Variants in PIP5K1B observed in about 807,000 individuals in gnomAD.
PIP5K1B encodes phosphatidylinositol-4-phosphate 5-kinase type 1 beta.
Under a neutral mutation model 67.0 loss-of-function variants are expected in PIP5K1B, and 42 were observed. That is an observed-to-expected ratio of 0.63 (90% CI 0.49 to 0.81). The LOEUF (loss-of-function observed/expected upper bound fraction) is 0.81, where lower values mean the gene tolerates loss of function less well. PIP5K1B is among the 30% of genes least tolerant of loss of function. The pLI is 0.00. For missense variants in PIP5K1B, 459 were observed against 646.3 expected (o/e 0.71, Z 3.14); for synonymous variants, 214 against 231.4 (o/e 0.92, Z 0.68).
chr9:68,757,494 T>G (rs994133716), intron 2 of PIP5K1B, among the ~76,000 whole-genome samples: 16 of 151,848 alleles, frequency 1.1e-4, no homozygotes, highest in Non-Finnish European at 2.2e-4. Flanking sequence ...GAAAAGGCCT[T>G]GAAAAATGTG....
chr9:68,914,208 G>A (rs530222955), intron 8 of PIP5K1B, among the ~76,000 whole-genome samples: 59 of 152,028 alleles, frequency 3.9e-4, no homozygotes, highest in Non-Finnish European at 5.7e-4. Context: ...TTTTTAACAA[G>A]CAGAATTCAT....
At chr9:68,753,455 G>A (rs537832190) in intron 2 of PIP5K1B, among the ~76,000 whole-genome samples, 112 of 137,642 alleles carry the variant, frequency 8.1e-4, no homozygotes, top group Non-Finnish European at 1.4e-3. Flanking sequence ...TTCTCCTGCC[G>A]CAGCCTCCCT....
rs754458316 is a variant in PIP5K1B at position 68,822,642 on chromosome 9, G to A, written c.28G>A (p.Ala10Thr). The A allele has an allele frequency of 4.3e-6, 7 of 1,613,346 alleles. No individual in the cohort carries two copies. In the East Asian group the frequency reaches 8.9e-5, roughly 21 times the overall value. The part of the protein sequence containing the change: MSSAAENGE[A>T]APGKQNEEKT... ...GTCTTCTGCTGCTGAAAATGGAGAG[G>A]CAGCACCTGGAAAACAAAATGAAGA... Residue 10 changes from alanine to threonine, a missense_variant, in exon 4 of 16, where the codon GCA (alanine) becomes ACA (threonine). Ala to Thr is a moderately conservative substitution (Grantham distance 58). This residue lies in a region of PIP5K1B where 290 missense variants were observed against 474.4 expected (regional missense o/e 0.61). Transcript: ENST00000265382.
chr9:68,967,166 T>G (rs570403466), intron 14 of PIP5K1B, among the ~76,000 whole-genome samples: 5 of 152,328 alleles, frequency 3.3e-5, no homozygotes, highest in African/African-American at 1.2e-4. Flanking sequence ...TTTCAACCTA[T>G]GAATGAATCA....
chr9:68,961,582 G>T (rs1436410031), intron 14 of PIP5K1B, among the ~76,000 whole-genome samples: 1 of 152,158 alleles, frequency 6.6e-6, no homozygotes, highest in Admixed American at 6.5e-5. Context: ...GTGTAGTTGG[G>T]GAAACCTGGT....
At chr9:68,919,410 G>T (rs1826255988) in intron 9 of PIP5K1B, 69 bp from the exon 10 acceptor site, 21 of 729,578 alleles carry the variant, frequency 2.9e-5, no homozygotes, top group Non-Finnish European at 2.9e-5. Context: ...CTATTTATTA[G>T]AAATGATTTT....
At chr9:68,810,345 A>G (rs917116676) in intron 2 of PIP5K1B, among the ~76,000 whole-genome samples, 6 of 152,252 alleles carry the variant, frequency 3.9e-5, no homozygotes, top group South Asian at 2.1e-4. Context: ...AGTTAGCGCA[A>G]TTCATAATCG....
chr9:68,935,824 C>T (rs1056725129), intron 13 of PIP5K1B: 3 of 152,132 alleles, frequency 2.0e-5, no homozygotes, highest in African/African-American at 7.2e-5. Context: ...TTGAAAGCTT[C>T]ATAACCATGA....
In PIP5K1B at chr9:68,876,722, A is replaced by G; in HGVS notation, c.246A>G (p.Arg82=). The G allele has an allele frequency of 6.2e-7, 1 of 1,611,490 alleles. No homozygotes were observed. Among genetic ancestry groups the G allele is most frequent in the Non-Finnish European group, 8.5e-7 (1 of 1,177,576 alleles). Residue 82 remains arginine (R), a synonymous_variant, in exon 6 of 16, where the codon AGA becomes AGG. Transcript: ENST00000265382. ...CAGCACATCACTACCCAGACTTTAGATTTAAGACATACGCTCCATTAGCAT... is the reference window on the plus strand; with the variant it reads ...CAGCACATCACTACCCAGACTTTAGGTTTAAGACATACGCTCCATTAGCAT... ...LTPAHHYPDF[R]FKTYAPLAFR... is the part of the protein sequence containing the mutation.
intron 14 of PIP5K1B, among the ~76,000 whole-genome samples, chr9:68,981,701 C>G (rs575047679): frequency 6.6e-6 from 1 of 152,294 alleles, no homozygotes; most frequent in African/African-American, 2.4e-5. Flanking sequence ...TCAGAGTGTT[C>G]CAGGCTATAA....
At chr9:69,002,061 A>C (rs1830843674) in intron 15 of PIP5K1B, among the ~76,000 whole-genome samples, 1 of 152,144 alleles carries the variant, frequency 6.6e-6, no homozygotes, top group South Asian at 2.1e-4. Context: ...TGGCTCATCT[A>C]CCTGCTGCTT....
chr9:68,768,818 G>A (rs1368346840), intron 2 of PIP5K1B, among the ~76,000 whole-genome samples: 1 of 152,162 alleles, frequency 6.6e-6, no homozygotes, highest in Non-Finnish European at 1.5e-5. Context: ...AGTCTGTTAA[G>A]TGCAAATGCT....
intron 14 of PIP5K1B, among the ~76,000 whole-genome samples, chr9:68,968,713 A>ATTT (rs146620576): frequency 1.8e-4 from 26 of 142,884 alleles, no homozygotes; most frequent in African/African-American, 5.5e-4. Context: ...ATATATATAT[A>ATTT]TATTTTTTTT....
At position 68,788,932 on chromosome 9, in the gene PIP5K1B, G is replaced by A. The variant is rs1180960767; in HGVS notation, c.-85-29529G>A. Reference sequence around the variant, plus strand: ...TCAAGAGGGATGAAAGAAAGGATATGCTCAGATTTCCAGCACTTAAACACA... The same window carrying A: ...TCAAGAGGGATGAAAGAAAGGATATACTCAGATTTCCAGCACTTAAACACA... On this transcript the variant is annotated intron_variant, in intron 2 of 15. Transcript: ENST00000265382. 9.8e-6 allele frequency: 3 copies of A among 306,336 alleles called. No homozygotes were observed. The Admixed American group carries it at 1.2e-4, about 12-fold the overall frequency. The allele number at this position is 306,336 out of a possible 1,614,324, so 19.0% of individuals were successfully genotyped here.
At chr9:68,941,704 G>A (rs943649298) in intron 14 of PIP5K1B, among the ~76,000 whole-genome samples, 6 of 152,148 alleles carry the variant, frequency 3.9e-5, no homozygotes, top group South Asian at 2.1e-4. Flanking sequence ...AATTCCTTAC[G>A]CTTTAAGTCA....
At chr9:68,731,557 G>A (rs1828432082) in intron 1 of PIP5K1B, among the ~76,000 whole-genome samples, 2 of 152,178 alleles carry the variant, frequency 1.3e-5, no homozygotes, top group South Asian at 2.1e-4. Flanking sequence ...TGGGTGGTTG[G>A]GGAGGCAATC....
intron 5 of PIP5K1B, among the ~76,000 whole-genome samples, chr9:68,874,353 T>C (rs2132308019): frequency 6.6e-6 from 1 of 152,310 alleles, no homozygotes; most frequent in African/African-American, 2.4e-5. Context: ...TCTGTATGCC[T>C]AAGGAAATAA....
chr9:68,868,306 G>A (rs1302166482), intron 5 of PIP5K1B, among the ~76,000 whole-genome samples: 1 of 152,174 alleles, frequency 6.6e-6, no homozygotes, highest in East Asian at 1.9e-4. Context: ...GACCTAAGGT[G>A]GCAAAGGGAG....
intron 5 of PIP5K1B, among the ~76,000 whole-genome samples, chr9:68,871,413 A>G (rs1018277561): frequency 3.0e-4 from 46 of 152,170 alleles, no homozygotes; most frequent in African/African-American, 9.9e-4. Context: ...TTATCTGCTA[A>G]ATGGGGAATT....
Sources: allele counts gnomAD v4.1 joint callset (sites outside exome capture counted in the v4.1 genomes callset), GRCh38; gene constraint gnomAD v4.1.1; regional missense constraint gnomAD v4.1.1; transcripts MANE v1.5; gene names NCBI Gene and HGNC (gene_info 2026-07-23, HGNC 2026-07-21).